CPEB1: variants seen among roughly 807,000 people sequenced by gnomAD.
CPEB1 encodes the protein cytoplasmic polyadenylation element binding protein 1.
CPEB1 carries 7 observed loss-of-function variants against 65.8 expected under a neutral mutation model. The observed-to-expected ratio is 0.11, with a 90% CI of 0.06 to 0.20. The LOEUF (loss-of-function observed/expected upper bound fraction) is 0.20, where lower values mean the gene tolerates loss of function less well. CPEB1 is among the 10% of genes least tolerant of loss of function. The pLI, the probability that CPEB1 is intolerant of heterozygous loss-of-function variation, is 1.00. For synonymous variants in CPEB1, 262 were observed against 260.0 expected, an observed-to-expected ratio of 1.01 and a Z score of -0.08; for missense variants, 551 against 712.2, an observed-to-expected ratio of 0.77 and a Z score of 2.58.
chr15:82,585,565 C>T (rs1319888373), intron 3 of CPEB1, among the ~76,000 whole-genome samples: 1 of 152,142 alleles, frequency 6.6e-6, no homozygotes, highest in Non-Finnish European at 1.5e-5. Flanking sequence ...CATTATATCC[C>T]TTTTACAAGC....
intron 3 of CPEB1, among the ~76,000 whole-genome samples, chr15:82,579,382 T>C (rs1362386722): frequency 6.6e-6 from 1 of 152,076 alleles, no homozygotes; most frequent in Non-Finnish European, 1.5e-5. Context: ...TGAACCATGA[T>C]TGCGCCACTG....
At chr15:82,571,316 C>T in intron 4 of CPEB1, 28 bp downstream of exon 4, 13 of 1,597,592 alleles carry the variant, frequency 8.1e-6, no homozygotes, top group Non-Finnish European at 1.1e-5. Flanking sequence ...ATCCCCTTAC[C>T]CCAGCCAACT....
intron 4 of CPEB1, among the ~76,000 whole-genome samples, chr15:82,568,729 A>T (rs930782987): frequency 3.9e-5 from 6 of 152,214 alleles, no homozygotes; most frequent in Non-Finnish European, 8.8e-5. Flanking sequence ...CTATCATAGC[A>T]GATGCAGCAC....
chr15:82,571,730 T>TCA lies in CPEB1; in HGVS notation c.272-200_272-199dup, dbSNP rs1196851095. 14 of 1,418,350 alleles carry TCA rather than the reference T, an allele frequency of 9.9e-6. No homozygotes were observed. The South Asian group carries it at 1.6e-4, about 16-fold the overall frequency. 87.9% of individuals were successfully genotyped at this position (1,418,350 alleles called of 1,614,324 possible). On this transcript the variant is annotated intron_variant, in intron 3 of 12. Transcript: ENST00000684509. ...CAGTTGCCATACAGGCCCCCTCCCC[T>TCA]CACACACACACCCCTATCCCGTCTG... is the stretch of plus-strand genomic sequence containing the variant.
At chr15:82,617,724 GTTTTTTTTTTTTT>G (rs35267620) in intron 3 of CPEB1, among the ~76,000 whole-genome samples, 5 of 83,818 alleles carry the variant, frequency 6.0e-5, no homozygotes, top group Non-Finnish European at 9.1e-5. Context: ...TTCTATTAAA[GTTTTTTTTTTTTT>G]TTTTTTTTTT....
chr15:82,549,391 G>T, intron 10 of CPEB1, 69 bp downstream of exon 10: 1 of 1,517,970 alleles, frequency 6.6e-7, no homozygotes. Flanking sequence ...CTCCCATGGG[G>T]AAGTATCACA....
chr15:82,617,724 G>GTTTTTTT (rs35267620), intron 3 of CPEB1, among the ~76,000 whole-genome samples: 4 of 83,818 alleles, frequency 4.8e-5, no homozygotes, highest in East Asian at 3.6e-4. Flanking sequence ...TTCTATTAAA[G>GTTTTTTT]TTTTTTTTTT....
intron 5 of CPEB1, among the ~76,000 whole-genome samples, chr15:82,557,089 CTATCTA>C (rs999258500): frequency 2.0e-5 from 3 of 152,200 alleles, no homozygotes; most frequent in Admixed American, 2.0e-4. Context: ...CTACTATCCC[CTATCTA>C]TATTATCTGT....
chr15:82,545,553 T>G (rs562006065), intron 12 of CPEB1, among the ~76,000 whole-genome samples: 1 of 152,216 alleles, frequency 6.6e-6, no homozygotes, highest in Non-Finnish European at 1.5e-5. Context: ...AATCTCAGGG[T>G]CCGCCCCAAA....
At position 82,564,289 on chromosome 15, in the gene CPEB1, GTTTTGT is replaced by G. The variant is rs1167576059; in HGVS notation, c.461-6309_461-6304del. ...ACACAATGGTTTTTTTTGTTTTTTT[GTTTTGT>G]TTTTTTTTGAGACGGAGTCTCGCTC... On this transcript the variant is annotated intron_variant, in intron 4 of 12. Transcript: ENST00000684509. Among the ~76,000 whole-genome samples the G allele has an allele frequency of 1.4e-3, 201 of 145,924 alleles. 1 individual carries two copies. Among genetic ancestry groups the G allele is most frequent in the African/African-American group, 4.5e-3 (177 of 39,314 alleles).
intron 11 of CPEB1, 152 bp from the exon 12 acceptor site, chr15:82,546,673 T>C: frequency 1.5e-6 from 1 of 663,448 alleles, no homozygotes; most frequent in South Asian, 1.8e-5. Flanking sequence ...TTGGAGAGAA[T>C]TATGGGCCTG....
chr15:82,642,739 TAC>T (rs1233158424), intron 1 of CPEB1, among the ~76,000 whole-genome samples: 2 of 152,168 alleles, frequency 1.3e-5, no homozygotes, highest in Non-Finnish European at 2.9e-5. Context: ...CCAGAGTCAG[TAC>T]AGTTTATATA....
At chr15:82,616,774 G>C (rs1401626161) in intron 3 of CPEB1, among the ~76,000 whole-genome samples, 5 of 151,770 alleles carry the variant, frequency 3.3e-5, no homozygotes, top group Non-Finnish European at 7.4e-5. Context: ...ATTTTTAAAA[G>C]CAAAAAACCC....
chr15:82,575,590 T>C (rs942382182), intron 3 of CPEB1, among the ~76,000 whole-genome samples: 1 of 152,102 alleles, frequency 6.6e-6, no homozygotes, highest in Admixed American at 6.6e-5. Context: ...AAAGAAATCT[T>C]AACTGAAAAG....
Position 82,552,541 on chromosome 15 carries a change from C to G in CPEB1, c.1220G>C (p.Ser407Thr), listed in dbSNP as rs1244692716. 6.2e-7 allele frequency: 1 copy of G among 1,610,724 alleles called. No individual in the cohort carries two copies. The highest frequency in any genetic ancestry group is 1.7e-5 in the Admixed American group (1 of 59,270). ...ATAATATTCACTCAGGCCATCTGGG[C>G]TCAGCGGGTCATGAGAGCAAGCCTG... ...LLQACSHDPLSPDGLSEYYFK... is the reference protein window; with the variant it reads ...LLQACSHDPLTPDGLSEYYFK... Residue 407 changes from serine (S) to threonine (T), a missense_variant, in exon 9 of 13, where the codon AGC (serine) becomes ACC (threonine). Transcript: ENST00000684509.
In CPEB1 at chr15:82,611,614, T is replaced by C. The variant is rs1277476428; in HGVS notation, c.271+15579A>G. Among the ~76,000 whole-genome samples, 6 of 151,064 alleles carry C rather than the reference T, an allele frequency of 4.0e-5. No individual in the cohort carries two copies. The South Asian group carries it at 6.3e-4, about 16-fold the overall frequency. Reference sequence around the variant, plus strand: ...TCTACAAAAAAATAAAAATAAAAATTAGCCAGCAGCCACGGTGGCACACAC... The same window carrying C: ...TCTACAAAAAAATAAAAATAAAAATCAGCCAGCAGCCACGGTGGCACACAC... On this transcript the variant is annotated intron_variant, in intron 3 of 12. Transcript: ENST00000684509.
At chr15:82,637,710 C>A (rs2046778411) in intron 1 of CPEB1, among the ~76,000 whole-genome samples, 1 of 152,132 alleles carries the variant, frequency 6.6e-6, no homozygotes, top group Non-Finnish European at 1.5e-5. Flanking sequence ...TTCATTCCTG[C>A]CTGGATATTC....
intron 3 of CPEB1, among the ~76,000 whole-genome samples, chr15:82,579,737 C>T (rs968011426): frequency 1.3e-4 from 19 of 149,118 alleles, no homozygotes; most frequent in Non-Finnish European, 5.9e-5. Context: ...AAGGTGAAAC[C>T]CCGTCTCTAC....
intron 3 of CPEB1, among the ~76,000 whole-genome samples, chr15:82,590,551 A>C (rs994466860): frequency 1.3e-5 from 2 of 152,170 alleles, no homozygotes; most frequent in Non-Finnish European, 2.9e-5. Context: ...CAGGTTTGTT[A>C]TATGAGTAAA....
Sources: gnomAD v4.1 joint callset for allele counts (sites outside exome capture counted in the v4.1 genomes callset) on GRCh38, gnomAD v4.1.1 for gene constraint, MANE v1.5 for transcripts, NCBI Gene and HGNC (gene_info 2026-07-23, HGNC 2026-07-21) for gene names.